Variants in CNTNAP4 observed in about 807,000 individuals in gnomAD.
CNTNAP4 encodes contactin-associated protein-like 4.
In CNTNAP4, 98 loss-of-function variants were observed where a neutral mutation model predicts 148.4. The observed-to-expected ratio is 0.66, with a 90% CI of 0.56 to 0.78. The LOEUF (loss-of-function observed/expected upper bound fraction) is 0.78, where lower values mean the gene tolerates loss of function less well. Ranked by LOEUF, CNTNAP4 falls within the 30% of genes least tolerant of loss-of-function variation. CNTNAP4 has a pLI of 0.00. For synonymous variants in CNTNAP4, 730 were observed against 565.1 expected, an observed-to-expected ratio of 1.29 and a Z score of -4.14; for missense variants, 1,935 against 1,565.6, an observed-to-expected ratio of 1.24 and a Z score of -3.98.
At chr16:76,411,618 A>G (rs1018499031) in intron 3 of CNTNAP4, among the ~76,000 whole-genome samples, 10 of 150,832 alleles carry the variant, frequency 6.6e-5, no homozygotes, top group African/African-American at 2.5e-4. Flanking sequence ...AGTGTTCTTA[A>G]TGATCTATAA....
intron 13 of CNTNAP4, among the ~76,000 whole-genome samples, chr16:76,490,229 A>C (rs545253897): frequency 6.6e-6 from 1 of 152,220 alleles, no homozygotes. Flanking sequence ...GGTTTATTTT[A>C]TCATGGAAAA....
chr16:76,544,698 A>G (rs573763703), intron 21 of CNTNAP4, among the ~76,000 whole-genome samples: 6 of 152,260 alleles, frequency 3.9e-5, no homozygotes, highest in South Asian at 2.1e-4. Context: ...GGACACTTTT[A>G]TATGTTAGAT....
chr16:76,500,209 G>C (rs9932442), intron 15 of CNTNAP4, among the ~76,000 whole-genome samples: 4 of 151,826 alleles, frequency 2.6e-5, no homozygotes, highest in Non-Finnish European at 5.9e-5. Context: ...CCTCCCGGAC[G>C]GGGCGGCTGG....
At chr16:76,308,741 CAGTT>C (rs1408160392) in intron 1 of CNTNAP4, among the ~76,000 whole-genome samples, 1 of 152,198 alleles carries the variant, frequency 6.6e-6, no homozygotes, top group Non-Finnish European at 1.5e-5. Context: ...TGCTACCAGG[CAGTT>C]AGGATGAATC....
intron 4 of CNTNAP4, among the ~76,000 whole-genome samples, chr16:76,436,628 C>A (rs1280671510): frequency 6.6e-6 from 1 of 152,078 alleles, no homozygotes; most frequent in African/African-American, 2.4e-5. Flanking sequence ...GAGGAGCAAC[C>A]AACCAGCTTC....
chr16:76,416,605 C>T (rs2078992145), intron 3 of CNTNAP4, among the ~76,000 whole-genome samples: 1 of 151,352 alleles, frequency 6.6e-6, no homozygotes, highest in African/African-American at 2.4e-5. Context: ...TGAGAGCATA[C>T]ATTGTATGAT....
intron 1 of CNTNAP4, among the ~76,000 whole-genome samples, chr16:76,293,305 A>G (rs932891948): frequency 1.3e-5 from 2 of 152,054 alleles, no homozygotes; most frequent in Admixed American, 6.5e-5. Flanking sequence ...TTGTATGTTT[A>G]GTAGAGACGG....
chr16:76,498,361 C>T (rs755438190), intron 14 of CNTNAP4, among the ~76,000 whole-genome samples: 3 of 148,440 alleles, frequency 2.0e-5, no homozygotes, highest in Non-Finnish European at 4.5e-5. Context: ...TACTGCACTC[C>T]AGCCTGGGAG....
At chr16:76,550,083 G>C (rs1444410369) in intron 21 of CNTNAP4, among the ~76,000 whole-genome samples, 1 of 152,142 alleles carries the variant, frequency 6.6e-6, no homozygotes, top group Non-Finnish European at 1.5e-5. Context: ...GAAGATGCTG[G>C]AATAATATCC....
chr16:76,316,301 C>T lies in CNTNAP4; in HGVS notation c.86-112C>T, dbSNP rs761180919. The T allele has an allele frequency of 1.1e-5, 8 of 744,088 alleles. No homozygotes were observed. In the Admixed American group the frequency reaches 1.2e-4, roughly 11 times the overall value. 46.1% of individuals were successfully genotyped at this position (744,088 alleles called of 1,614,324 possible). ...AAGTAGTAGGCATATTTTTAGAGAT[C>T]TTAGATCCTAGTTTTTGATGTTGTT... is the stretch of plus-strand genomic sequence containing the variant. On this transcript the variant is annotated intron_variant, in intron 1 of 23. Transcript: ENST00000611870.
chr16:76,362,949 C>T (rs927071255), intron 3 of CNTNAP4, among the ~76,000 whole-genome samples: 8 of 152,034 alleles, frequency 5.3e-5, no homozygotes, highest in Admixed American at 6.5e-5. Context: ...GGGGGCCAGG[C>T]ATGGCAGCTT....
At chr16:76,376,907 T>TTGTGTGTGTG (rs5817987) in intron 3 of CNTNAP4, among the ~76,000 whole-genome samples, 1,957 of 143,466 alleles carry the variant, frequency 0.014, 20 homozygotes, top group African/African-American at 0.025. Flanking sequence ...CTAACAAGGT[T>TTGTGTGTGTG]TGTGTGTGTG....
intron 4 of CNTNAP4, among the ~76,000 whole-genome samples, chr16:76,433,628 A>G (rs2079698168): frequency 6.6e-6 from 1 of 152,180 alleles, no homozygotes; most frequent in Non-Finnish European, 1.5e-5. Context: ...ATTGAAAGAC[A>G]GCTAGATAAT....
intron 9 of CNTNAP4, among the ~76,000 whole-genome samples, chr16:76,462,772 C>G (rs1000187711): frequency 2.0e-5 from 3 of 152,178 alleles, no homozygotes; most frequent in African/African-American, 7.2e-5. Context: ...ATGTTCTTTT[C>G]CGTTAGAAAT....
chr16:76,516,663 C>G (rs561048733), intron 15 of CNTNAP4, among the ~76,000 whole-genome samples: 6 of 152,242 alleles, frequency 3.9e-5, no homozygotes, highest in African/African-American at 1.4e-4. Flanking sequence ...TGTCCTTCTG[C>G]AGGTAGATGG....
chr16:76,535,422 C>T, intron 17 of CNTNAP4, 123 bp from the exon 18 acceptor site: 2 of 1,012,002 alleles, frequency 2.0e-6, no homozygotes, highest in East Asian at 2.6e-5. Context: ...ATTGTGTTTC[C>T]AAAATTATAT....
chr16:76,538,781 TTTAG>T (rs2084327116), intron 19 of CNTNAP4, among the ~76,000 whole-genome samples: 1 of 151,960 alleles, frequency 6.6e-6, no homozygotes, highest in Non-Finnish European at 1.5e-5. Flanking sequence ...AAGATGACCT[TTTAG>T]TTGTACTTTT....
intron 8 of CNTNAP4, among the ~76,000 whole-genome samples, chr16:76,460,463 C>A (rs187609388): frequency 2.0e-3 from 301 of 149,440 alleles, no homozygotes; most frequent in Non-Finnish European, 3.3e-3. Context: ...CCCATACTTA[C>A]ATAAGAATAT....
chr16:76,505,904 A>G (rs2082821163), intron 15 of CNTNAP4, among the ~76,000 whole-genome samples: 1 of 96,924 alleles, frequency 1.0e-5, no homozygotes, highest in African/African-American at 2.6e-5. Flanking sequence ...TGTCTCTTAC[A>G]AAACAAAATT....
Sources: allele counts gnomAD v4.1 joint callset (sites outside exome capture counted in the v4.1 genomes callset), GRCh38; gene constraint gnomAD v4.1.1; transcripts MANE v1.5; gene names NCBI Gene and HGNC (gene_info 2026-07-23, HGNC 2026-07-21).